The following CLEC1B variants were observed in gnomAD, a reference collection of about 807,000 sequenced individuals.
CLEC1B encodes C-type lectin-like receptor 2.
In CLEC1B, 26 loss-of-function variants were observed where a neutral mutation model predicts 26.7. That is an observed-to-expected ratio of 0.97 (90% CI 0.71 to 1.35). The LOEUF (loss-of-function observed/expected upper bound fraction) is 1.35. Ranked by LOEUF, CLEC1B falls within the 40% of genes most tolerant of loss-of-function variation. The probability of loss-of-function intolerance (pLI) is 0.00; values close to 1 mark genes in which losing one functional copy is unlikely to be tolerated. For synonymous variants in CLEC1B, 112 were observed against 96.0 expected (o/e 1.17, Z -0.97); for missense variants, 293 against 282.6 (o/e 1.04, Z -0.26).
rs1865079791 is a variant in CLEC1B at position 9,997,338 on chromosome 12, G to A, written c.164-59C>T. 4.7e-6 allele frequency: 7 copies of A among 1,476,374 alleles called. No individual in the cohort carries two copies. In the Admixed American group the frequency reaches 1.1e-4, roughly 24 times the overall value. 91.5% of individuals were successfully genotyped at this position (1,476,374 alleles called of 1,614,324 possible). A position where few individuals can be genotyped will look rare whatever the true frequency, so the allele number is the denominator to read the frequency against. ...ATTAGAACCATAGAAATGATGCAAA[G>A]GTCTGTCATTGAATTTTCATTTCCT... On this transcript the variant is annotated intron_variant, in intron 2 of 5. Transcript: ENST00000298527.
chr12:9,993,189 A>C lies in CLEC1B; in HGVS notation c.644T>G (p.Met215Arg), dbSNP rs760320045. The part of the protein sequence containing the change: ...PTFCENKHYL[M>R]CERKAGMTKV... ...GGTCATGCCAGCCTTCCTCTCACAC[A>C]TTAAATAATGTTTGTTCTCACAGAA... The change falls in exon 6 of 6, where the codon ATG becomes AGG. Residue 215 changes from methionine to arginine, a missense_variant. By Grantham distance (91) the Met-to-Arg change is moderately conservative. Transcript: ENST00000298527. The C allele has an allele frequency of 1.2e-6, 2 of 1,612,570 alleles. No homozygotes were observed. Among genetic ancestry groups the C allele is most frequent in the South Asian group, 2.2e-5 (2 of 91,018 alleles).
intron 2 of CLEC1B, among the ~76,000 whole-genome samples, chr12:9,997,798 A>G (rs1259935143): frequency 6.6e-6 from 1 of 152,184 alleles, no homozygotes; most frequent in African/African-American, 2.4e-5. Context: ...ACAGACTTCA[A>G]TGTGCTATTG....
At chr12:9,995,736 C>G (rs1245341919) in intron 4 of CLEC1B, 1 of 203,456 alleles carries the variant, frequency 4.9e-6, no homozygotes, top group Non-Finnish European at 1.0e-5. Context: ...TTTATGATGT[C>G]TTTCTCAAAA....
chr12:9,995,135 C>T lies in CLEC1B; in HGVS notation c.545+5G>A. Reference sequence around the variant, plus strand: ...CCCTCCTATTCTAAGTGTCCAGTGACTTACATATTTTCTGAGATAACCGAG... The same window carrying T: ...CCCTCCTATTCTAAGTGTCCAGTGATTTACATATTTTCTGAGATAACCGAG... On this transcript the variant is annotated splice_donor_5th_base_variant and intron_variant, in intron 5 of 5. Coordinates refer to ENST00000298527, the MANE Select transcript of CLEC1B (RefSeq NM_016509.4). 1.2e-6 allele frequency: 2 copies of T among 1,611,844 alleles called. No individual in the cohort carries two copies. Among genetic ancestry groups the T allele is most frequent in the Non-Finnish European group, 8.5e-7 (1 of 1,178,306 alleles).
upstream of CLEC1B, among the ~76,000 whole-genome samples, chr12:9,999,458 A>C (rs1293773163): frequency 5.3e-5 from 8 of 152,148 alleles, no homozygotes; most frequent in East Asian, 1.5e-3. Flanking sequence ...TCTTAGCCCT[A>C]GCTTAGTCTA....
chr12:10,000,210 A>C (rs190834096), upstream of CLEC1B, among the ~76,000 whole-genome samples: 56 of 152,346 alleles, frequency 3.7e-4, 1 homozygote, highest in African/African-American at 1.3e-3. Context: ...GCAGAGTGTT[A>C]GACTTTTCAA....
At chr12:9,998,433 G>A in intron 1 of CLEC1B, 53 bp from the exon 2 acceptor site, 2 of 1,396,160 alleles carry the variant, frequency 1.4e-6, no homozygotes, top group South Asian at 1.1e-5. Context: ...GTTAGCTATG[G>A]GGAAGGCTCA....
In CLEC1B at chr12:9,993,260, T is replaced by C. The variant is rs757614783; in HGVS notation, c.573A>G (p.Gly191=). ...TATGAAAATAAGCACAATTCATATT[T>C]CCTTTTCCATCTTCCAAAAACTCAA... The part of the protein sequence containing the change: ...NMFEFLEDGK[G]NMNCAYFHNG... Residue 191 remains glycine (G), a synonymous_variant, in exon 6 of 6, where the codon GGA becomes GGG. Coordinates refer to ENST00000298527, the MANE Select transcript of CLEC1B (RefSeq NM_016509.4). 26 of 1,612,854 alleles carry C rather than the reference T, an allele frequency of 1.6e-5. No individual in the cohort carries two copies. The East Asian group carries it at 5.8e-4, about 36-fold the overall frequency.
At chr12:9,994,929 A>G in intron 5 of CLEC1B, 2 of 1,288,594 alleles carry the variant, frequency 1.6e-6, no homozygotes, top group Non-Finnish European at 2.1e-6. Flanking sequence ...ATCAGAGATA[A>G]AGGTGGATTG....
intron 5 of CLEC1B, 138 bp downstream of exon 5, chr12:9,995,002 G>C: frequency 1.9e-6 from 3 of 1,561,656 alleles, no homozygotes; most frequent in Non-Finnish European, 2.6e-6. Flanking sequence ...GACCAGCGCT[G>C]TCTTGTTTGA....
At chr12:9,995,393 T>C (rs1865017018) in intron 4 of CLEC1B, 147 bp from the exon 5 acceptor site, 1 of 728,920 alleles carries the variant, frequency 1.4e-6, no homozygotes. Context: ...ATGTTTGAAA[T>C]TGTACCAATT....
At chr12:9,994,194 A>C (rs1215283179) in intron 5 of CLEC1B, among the ~76,000 whole-genome samples, 3 of 152,112 alleles carry the variant, frequency 2.0e-5, no homozygotes, top group Admixed American at 2.0e-4. Flanking sequence ...GAGGCAGAGC[A>C]TTCTAGAAGA....
intron 2 of CLEC1B, 114 bp downstream of exon 2, chr12:9,998,168 A>G: frequency 1.3e-6 from 1 of 760,144 alleles, no homozygotes. Flanking sequence ...CTGTAGGACA[A>G]CTGTAGAAGT....
chr12:9,993,354 G>A (rs538481148), intron 5 of CLEC1B, 67 bp from the exon 6 acceptor site: 275 of 1,137,568 alleles, frequency 2.4e-4, no homozygotes, highest in African/African-American at 2.9e-4. Context: ...CAGACTCTGC[G>A]TATAGTAGTT....
intron 1 of CLEC1B, among the ~76,000 whole-genome samples, chr12:9,998,608 A>C (rs1241226512): frequency 7.7e-6 from 1 of 130,382 alleles, no homozygotes; most frequent in Non-Finnish European, 1.7e-5. Context: ...TCCAAGCTGA[A>C]ATATTACTTG....
At chr12:10,001,555 C>CTGAGCGA (rs989562294), upstream of CLEC1B, among the ~76,000 whole-genome samples, 2 of 152,214 alleles carry the variant, frequency 1.3e-5, no homozygotes. Context: ...TAGAAGCAAG[C>CTGAGCGA]TGAGCGAAGA....
intron 3 of CLEC1B, 59 bp from the exon 4 acceptor site, chr12:9,997,059 C>T: frequency 3.1e-6 from 5 of 1,609,120 alleles, no homozygotes; most frequent in Non-Finnish European, 3.4e-6. Context: ...ACATTTTCTT[C>T]ACATTCAATG....
At chr12:10,001,004 T>A (rs954663625), upstream of CLEC1B, among the ~76,000 whole-genome samples, 1 of 152,218 alleles carries the variant, frequency 6.6e-6, no homozygotes, top group African/African-American at 2.4e-5. Flanking sequence ...ACTTTTCCAA[T>A]AAAGCTTTAC....
At chr12:10,000,294 T>C (rs1393260429), upstream of CLEC1B, among the ~76,000 whole-genome samples, 2 of 152,254 alleles carry the variant, frequency 1.3e-5, no homozygotes, top group African/African-American at 4.8e-5. Context: ...CCGTAGATTT[T>C]TTCTCCCCTG....
Sources: allele counts gnomAD v4.1 joint callset (sites outside exome capture counted in the v4.1 genomes callset), GRCh38; gene constraint gnomAD v4.1.1; transcripts MANE v1.5; gene names NCBI Gene and HGNC (gene_info 2026-07-23, HGNC 2026-07-21).